The following NRDC variants were observed in gnomAD, a reference collection of about 807,000 sequenced individuals.
NRDC encodes the protein nardilysin convertase, also known as nardilysin.
NRDC carries 54 observed loss-of-function variants against 147.1 expected under a neutral mutation model. The observed-to-expected ratio is 0.37, with a 90% CI of 0.29 to 0.46. The LOEUF is 0.46. Among genes scored for constraint, NRDC ranks in the 20% least tolerant of loss-of-function variants. The pLI is 1.00. For synonymous variants in NRDC, 440 were observed against 482.1 expected (o/e 0.91, Z 1.14); for missense variants, 1,082 against 1,370.6 (o/e 0.79, Z 3.33).
At chr1:51,863,285 C>T (rs907507533) in intron 1 of NRDC, among the ~76,000 whole-genome samples, 5 of 151,848 alleles carry the variant, frequency 3.3e-5, no homozygotes, top group African/African-American at 9.7e-5. Context: ...GTCTGTAGTC[C>T]CAACTACTTG....
At chr1:51,851,663 TA>T (rs1345257146) in intron 1 of NRDC, among the ~76,000 whole-genome samples, 1 of 152,024 alleles carries the variant, frequency 6.6e-6, no homozygotes. Flanking sequence ...AATTTTAAAA[TA>T]ATCTCAGGCA....
intron 17 of NRDC, 141 bp from the exon 18 acceptor site, chr1:51,807,054 T>C: frequency 2.9e-6 from 1 of 344,256 alleles, no homozygotes; most frequent in Middle Eastern, 8.2e-4. Context: ...ATTAAATTAG[T>C]AGACCAATAC....
intron 2 of NRDC, among the ~76,000 whole-genome samples, chr1:51,838,712 CCTGA>C (rs1488622161): frequency 2.0e-5 from 3 of 151,920 alleles, no homozygotes; most frequent in Non-Finnish European, 4.4e-5. Flanking sequence ...ACCCAGGTTT[CCTGA>C]CTGTCAGTGT....
At chr1:51,824,122 C>CT (rs11341489) in intron 6 of NRDC, among the ~76,000 whole-genome samples, 2,034 of 132,024 alleles carry the variant, frequency 0.015, 36 homozygotes, top group South Asian at 0.1. Context: ...TTGCCTAATT[C>CT]TTTTTTTTTT....
At chr1:51,850,429 G>C (rs561595866) in intron 1 of NRDC, among the ~76,000 whole-genome samples, 50 of 139,164 alleles carry the variant, frequency 3.6e-4, no homozygotes, top group African/African-American at 1.2e-3. Context: ...ATAAATTCCA[G>C]ATTACTTAGA....
intron 7 of NRDC, among the ~76,000 whole-genome samples, chr1:51,821,759 G>A (rs1024353388): frequency 1.3e-5 from 2 of 152,124 alleles, no homozygotes; most frequent in Non-Finnish European, 2.9e-5. Context: ...AGAATTTTGT[G>A]AGACCCCTTT....
At chr1:51,792,236 G>GTTCTCACCCAGTATAA in intron 25 of NRDC, 138 bp from the exon 26 acceptor site, 2 of 1,333,894 alleles carry the variant, frequency 1.5e-6, no homozygotes, top group Non-Finnish European at 1.1e-6. Flanking sequence ...GGCTTATACT[G>GTTCTCACCCAGTATAA]GGTGAGAACA....
intron 14 of NRDC, 116 bp from the exon 15 acceptor site, chr1:51,812,214 C>T: frequency 1.4e-6 from 1 of 697,684 alleles, no homozygotes; most frequent in Non-Finnish European, 2.5e-6. Flanking sequence ...AGCTTCTGAA[C>T]AGATACAACG....
At chr1:51,847,709 C>T (rs1681721664) in intron 1 of NRDC, among the ~76,000 whole-genome samples, 1 of 152,208 alleles carries the variant, frequency 6.6e-6, no homozygotes, top group African/African-American at 2.4e-5. Context: ...AGCTGGCTCA[C>T]AAGCCCCTCG....
chr1:51,816,982 T>C (rs1679997934), intron 10 of NRDC, among the ~76,000 whole-genome samples: 1 of 152,212 alleles, frequency 6.6e-6, no homozygotes, highest in Admixed American at 6.5e-5. Context: ...AATAATGTAA[T>C]AGTCCGAGTA....
chr1:51,855,093 C>T (rs1011473328), intron 1 of NRDC, among the ~76,000 whole-genome samples: 4 of 152,170 alleles, frequency 2.6e-5, no homozygotes, highest in Non-Finnish European at 5.9e-5. Flanking sequence ...GTACCTATGA[C>T]CTATACACCA....
chr1:51,867,337 A>G (rs569651610), intron 1 of NRDC, among the ~76,000 whole-genome samples: 23 of 152,360 alleles, frequency 1.5e-4, no homozygotes, highest in African/African-American at 5.5e-4. Flanking sequence ...TGCCCTTGTG[A>G]TGAAACATTC....
chr1:51,789,568 A>G lies in NRDC; in HGVS notation c.3258T>C (p.His1086=). The G allele has an allele frequency of 4.3e-6, 7 of 1,612,592 alleles. No individual in the cohort carries two copies. Among genetic ancestry groups the G allele is most frequent in the Non-Finnish European group, 5.9e-6 (7 of 1,178,586 alleles). The change falls in exon 30 of 31, where the codon CAT becomes CAC. Residue 1086 remains histidine, a splice_region_variant and synonymous_variant. Coordinates refer to ENST00000352171, the MANE Select transcript of NRDC (RefSeq NM_001101662.2). ...RGPGSKMLSV[H]VVGYGKYELE... ...GATGGAGTTAGTTAAACATACTCAC[A>G]TGAACGCTGAGCATTTTACTTCCTG...
At position 51,791,607 on chromosome 1, in the gene NRDC, G is replaced by A. The variant is rs767145417; in HGVS notation, c.2931C>T (p.Val977=). 1 of 1,613,836 alleles carries A rather than the reference G, an allele frequency of 6.2e-7. No homozygotes were observed. The highest frequency in any genetic ancestry group is 8.5e-7 in the Non-Finnish European group (1 of 1,179,734). ...RNTSGILGFS[V]TVGTQATKYN... is the part of the protein sequence containing the mutation. ...ATTTGGTTGCCTGAGTCCCCACAGT[G>A]ACAGAAAATCCTAGAATCCCGGATG... The change falls in exon 27 of 31, where the codon GTC becomes GTT. Residue 977 remains valine, a synonymous_variant. Transcript: ENST00000352171.
At chr1:51,827,701 G>A (rs1004634553) in intron 5 of NRDC, 95 bp downstream of exon 5, 1 of 914,030 alleles carries the variant, frequency 1.1e-6, no homozygotes, top group Non-Finnish European at 1.7e-6. Flanking sequence ...AAAATATAAA[G>A]ATAAAATGGT....
chr1:51,862,339 G>A (rs1019156482), intron 1 of NRDC: 1 of 151,906 alleles, frequency 6.6e-6, no homozygotes, highest in African/African-American at 2.4e-5. Context: ...AGGATCACTT[G>A]AGCCTAGAAG....
In NRDC at chr1:51,823,235, CAATT is replaced by C. The variant is rs1680286352; in HGVS notation, c.1159+425_1159+428del. 4.6e-5 allele frequency among the ~76,000 whole-genome samples: 7 copies of C among 152,238 alleles called. No homozygotes were observed. The South Asian group carries it at 1.5e-3, about 32-fold the overall frequency. On this transcript the variant is annotated intron_variant, in intron 7 of 30. Transcript: ENST00000352171. Reference sequence around the variant, plus strand: ...TCTTAAATTGTCACCATGTCAATCTCAATTAATCATGCCATTTTTACAGGACCTT... The same window carrying C: ...TCTTAAATTGTCACCATGTCAATCTCAATCATGCCATTTTTACAGGACCTT...
At chr1:51,793,053 T>G (rs1004815) in intron 24 of NRDC, among the ~76,000 whole-genome samples, 2,446 of 151,658 alleles carry the variant, frequency 0.016, 33 homozygotes, top group Non-Finnish European at 0.025. Context: ...TGCTTCCCAC[T>G]CACCAGAGGA....
chr1:51,840,496 A>T lies in NRDC; in HGVS notation c.360T>A (p.Asn120Lys). Residue 120 changes from asparagine (N) to lysine (K), a missense_variant, in exon 2 of 31, where the codon AAT (asparagine) becomes AAA (lysine). By Grantham distance (94) the Asn-to-Lys change is moderately conservative (BLOSUM62 0). Transcript: ENST00000352171. Reference sequence around the variant, plus strand: ...CTGAAATCAGAAGTGCCTGCAAGCCATTCTGTAATTTGATGTATCTGGGGG... The same window carrying T: ...CTGAAATCAGAAGTGCCTGCAAGCCTTTCTGTAATTTGATGTATCTGGGGG... ...PKQYRYIKLQ[N>K]GLQALLISDL... The T allele has an allele frequency of 5.6e-6, 9 of 1,604,102 alleles. No homozygotes were observed. The highest frequency in any genetic ancestry group is 7.7e-6 in the Non-Finnish European group (9 of 1,176,372).
Sources: gnomAD v4.1 joint callset for allele counts (sites outside exome capture counted in the v4.1 genomes callset) on GRCh38, gnomAD v4.1.1 for gene constraint, MANE v1.5 for transcripts, NCBI Gene and HGNC (gene_info 2026-07-23, HGNC 2026-07-21) for gene names.